Variants in ATAD2B observed in about 807,000 individuals in gnomAD.
ATAD2B encodes ATPase family AAA domain-containing protein 2B.
In ATAD2B, 40 loss-of-function variants were observed where a neutral mutation model predicts 167.6. The observed-to-expected ratio is 0.24, with a 90% CI of 0.19 to 0.31. The LOEUF is 0.31. Among genes scored for constraint, ATAD2B ranks in the 10% least tolerant of loss-of-function variants. ATAD2B has a pLI of 1.00. For synonymous variants in ATAD2B, 579 were observed against 596.5 expected (o/e 0.97, Z 0.43); for missense variants, 1,242 against 1,757.2 (o/e 0.71, Z 5.24).
intron 27 of ATAD2B, among the ~76,000 whole-genome samples, chr2:23,753,947 G>A (rs183364713): frequency 6.6e-6 from 1 of 152,066 alleles, no homozygotes; most frequent in Non-Finnish European, 1.5e-5. Flanking sequence ...GGATTTCTGT[G>A]TTTTGACAAA....
chr2:23,774,756 C>T (rs555146478), intron 22 of ATAD2B, among the ~76,000 whole-genome samples: 5 of 151,908 alleles, frequency 3.3e-5, no homozygotes, highest in African/African-American at 1.2e-4. Context: ...AAAAATTAGC[C>T]GGACATGGTG....
chr2:23,850,358 A>G (rs1692376328), intron 13 of ATAD2B, among the ~76,000 whole-genome samples: 1 of 152,208 alleles, frequency 6.6e-6, no homozygotes, highest in Non-Finnish European at 1.5e-5. Context: ...ATACATGTCA[A>G]AAACTGTGGG....
At chr2:23,922,296 C>T (rs1203737326) in intron 1 of ATAD2B, among the ~76,000 whole-genome samples, 1 of 151,972 alleles carries the variant, frequency 6.6e-6, no homozygotes, top group African/African-American at 2.4e-5. Context: ...AGGAGTGACA[C>T]CTAGGTGGAG....
the ATAD2B span, among the ~76,000 whole-genome samples, chr2:23,720,578 C>A: frequency 9.0e-4 from 114 of 126,692 alleles, no homozygotes; most frequent in South Asian, 1.7e-3. Flanking sequence ...GACTCCGTCT[C>A]AAAAAAAAAA....
the ATAD2B span, chr2:23,685,509 A>G: frequency 6.6e-6 from 1 of 152,210 alleles, no homozygotes; most frequent in Admixed American, 6.5e-5. Context: ...GGACTTGCCA[A>G]CTAACCCCGG....
At chr2:23,905,519 G>A (rs1701365882) in intron 1 of ATAD2B, among the ~76,000 whole-genome samples, 1 of 151,828 alleles carries the variant, frequency 6.6e-6, no homozygotes, top group Non-Finnish European at 1.5e-5. Flanking sequence ...GTGAGACCCT[G>A]TTTCAAAAAA....
chr2:23,888,304 A>G (rs367698650), intron 3 of ATAD2B, 46 bp downstream of exon 3: 36 of 1,320,234 alleles, frequency 2.7e-5, no homozygotes, highest in African/African-American at 4.4e-5. Context: ...TTTCTCTAAC[A>G]TTGTAAGAAT....
chr2:23,921,694 C>G (rs1703949855), intron 1 of ATAD2B, among the ~76,000 whole-genome samples: 1 of 152,146 alleles, frequency 6.6e-6, no homozygotes, highest in African/African-American at 2.4e-5. Flanking sequence ...ACTTGGCTAC[C>G]AGAGACAATC....
intron 1 of ATAD2B, among the ~76,000 whole-genome samples, chr2:23,908,565 G>C (rs1037663570): frequency 6.6e-6 from 1 of 152,102 alleles, no homozygotes; most frequent in African/African-American, 2.4e-5. Flanking sequence ...CAACCCTTGT[G>C]GAAGTCAGTG....
chr2:23,724,146 G>A, the ATAD2B span, among the ~76,000 whole-genome samples: 1 of 152,176 alleles, frequency 6.6e-6, no homozygotes, highest in Non-Finnish European at 1.5e-5. Context: ...GAGGAATAGG[G>A]AGAGACTTGT....
chr2:23,753,297 C>A (rs1369191447), intron 27 of ATAD2B, among the ~76,000 whole-genome samples: 5 of 152,064 alleles, frequency 3.3e-5, no homozygotes, highest in Non-Finnish European at 4.4e-5. Context: ...ACATATAAAT[C>A]TTTAATATAC....
At chr2:23,716,610 C>T in the ATAD2B span, among the ~76,000 whole-genome samples, 74,074 of 152,088 alleles carry the variant, frequency 0.49, 18,757 homozygotes, top group East Asian at 0.79. Flanking sequence ...CCCAGTTTAG[C>T]AGCCCCACCC....
intron 13 of ATAD2B, among the ~76,000 whole-genome samples, chr2:23,856,905 T>C (rs938606487): frequency 1.3e-5 from 2 of 150,788 alleles, no homozygotes; most frequent in Non-Finnish European, 3.0e-5. Flanking sequence ...ATGAGAAAAC[T>C]TTTTCTGTAA....
At chr2:23,798,063 A>C in intron 19 of ATAD2B, 75 bp downstream of exon 19, 2 of 967,966 alleles carry the variant, frequency 2.1e-6, no homozygotes, top group South Asian at 5.1e-5. Context: ...TAATAATTAA[A>C]AGGTGTCCAA....
intron 17 of ATAD2B, among the ~76,000 whole-genome samples, chr2:23,811,666 C>G (rs1197046107): frequency 1.3e-5 from 2 of 152,050 alleles, no homozygotes; most frequent in Admixed American, 6.6e-5. Flanking sequence ...TTGATAGGTG[C>G]TACAAACCAC....
intron 18 of ATAD2B, chr2:23,806,079 A>G (rs1684346463): frequency 6.6e-6 from 1 of 152,192 alleles, no homozygotes; most frequent in African/African-American, 2.4e-5. Flanking sequence ...TTAAAATTTT[A>G]TATAATCAAA....
At chr2:23,738,967 T>C in the ATAD2B span, among the ~76,000 whole-genome samples, 2 of 152,174 alleles carry the variant, frequency 1.3e-5, no homozygotes, top group Admixed American at 1.3e-4. Flanking sequence ...CATTACATAA[T>C]GATAAAGGGA....
At chr2:23,806,407 T>C (rs1222194108) in intron 18 of ATAD2B, among the ~76,000 whole-genome samples, 1 of 152,202 alleles carries the variant, frequency 6.6e-6, no homozygotes, top group African/African-American at 2.4e-5. Flanking sequence ...AGTCTAAGCA[T>C]GAATAGTCTC....
chr2:23,877,718 A>G (rs1423010898), intron 7 of ATAD2B, among the ~76,000 whole-genome samples: 1 of 150,284 alleles, frequency 6.7e-6, no homozygotes, highest in African/African-American at 2.4e-5. Flanking sequence ...ATAAAAATAC[A>G]AAAATTAGCC....
Sources: gnomAD v4.1 joint callset for allele counts (sites outside exome capture counted in the v4.1 genomes callset) on GRCh38, gnomAD v4.1.1 for gene constraint, MANE v1.5 for transcripts, NCBI Gene and HGNC (gene_info 2026-07-23, HGNC 2026-07-21) for gene names.